PHACTR1: variants seen among roughly 807,000 people sequenced by gnomAD.
PHACTR1 encodes phosphatase and actin regulator 1.
In PHACTR1, 16 loss-of-function variants were observed where a neutral mutation model predicts 69.2. That is an observed-to-expected ratio of 0.23 (90% CI 0.16 to 0.35). The LOEUF is 0.35. PHACTR1 is among the 10% of genes least tolerant of loss of function. PHACTR1 has a pLI of 1.00. For missense variants in PHACTR1, 510 were observed against 734.7 expected (o/e 0.69, Z 3.54); for synonymous variants, 312 against 284.5 (o/e 1.10, Z -0.97).
rs1249966553 is a variant in PHACTR1, at chr6:12,792,355, T to A, written c.250+42565T>A. Among the ~76,000 whole-genome samples the A allele has an allele frequency of 2.7e-5, 4 of 147,898 alleles. No homozygotes were observed. In the East Asian group the frequency reaches 8.4e-4, roughly 31 times the overall value. ...GGTACATGCCTGTAATCCCAGCTACTTGGGAGGCTGAGACAGGAGAATCAC... is the reference window on the plus strand; with the variant it reads ...GGTACATGCCTGTAATCCCAGCTACATGGGAGGCTGAGACAGGAGAATCAC... On this transcript the variant is annotated intron_variant, in intron 4 of 14. Coordinates refer to ENST00000332995, the MANE Select transcript of PHACTR1 (RefSeq NM_030948.6).
chr6:13,234,032 C>T lies in PHACTR1; in HGVS notation c.1391+3839C>T, dbSNP rs111596982. Among the ~76,000 whole-genome samples, 836 of 152,314 alleles carry T rather than the reference C, an allele frequency of 5.5e-3. 8 individuals are homozygous for T. Among genetic ancestry groups the T allele is most frequent in the African/African-American group, 0.017 (724 of 41,568 alleles). On this transcript the variant is annotated intron_variant, in intron 10 of 14. Transcript: ENST00000332995. ...ATCAGGCAGATAGGCCATATCTATA[C>T]CTCAAGGTCATTTTTGAGGTAGCAC...
At chr6:13,255,810 T>C (rs1239986260) in intron 10 of PHACTR1, among the ~76,000 whole-genome samples, 3 of 152,214 alleles carry the variant, frequency 2.0e-5, no homozygotes, top group African/African-American at 7.2e-5. Context: ...GGGTTTAGCC[T>C]CCACAGCTGC....
In PHACTR1 at chr6:13,283,908, T is replaced by A; in HGVS notation, c.1650+346T>A. Reference sequence around the variant, plus strand: ...CACAGCCCTTCCGTATAGGGGATGGTGCTGCCGGCATCCAACGAGGGATTC... The same window carrying A: ...CACAGCCCTTCCGTATAGGGGATGGAGCTGCCGGCATCCAACGAGGGATTC... On this transcript the variant is annotated intron_variant, in intron 13 of 14. Coordinates refer to ENST00000332995, the MANE Select transcript of PHACTR1 (RefSeq NM_030948.6). The surrounding 1 kb of genome is among the most constrained non-coding windows in gnomAD (Gnocchi z 4.7). 3.7e-6 allele frequency: 1 copy of A among 270,712 alleles called. No individual in the cohort carries two copies. The highest frequency in any genetic ancestry group is 7.2e-6 in the Non-Finnish European group (1 of 138,474). The allele number at this position is 270,712 out of a possible 1,614,324, so 16.8% of individuals were successfully genotyped here.
intron 4 of PHACTR1, among the ~76,000 whole-genome samples, chr6:12,839,794 C>T (rs1456895503): frequency 6.6e-6 from 1 of 152,190 alleles, no homozygotes; most frequent in Non-Finnish European, 1.5e-5. Context: ...TGCTGAGTAA[C>T]ATTTCACACC....
intron 4 of PHACTR1, among the ~76,000 whole-genome samples, chr6:12,893,054 G>A (rs562546036): frequency 1.3e-5 from 2 of 152,304 alleles, no homozygotes; most frequent in South Asian, 2.1e-4. Context: ...GGCAACACTC[G>A]AAAGTAAAGT....
intron 10 of PHACTR1, among the ~76,000 whole-genome samples, chr6:13,255,581 T>A (rs1441917009): frequency 2.0e-5 from 3 of 152,188 alleles, no homozygotes; most frequent in Non-Finnish European, 4.4e-5. Flanking sequence ...CCAAGATACA[T>A]GGGGGTATAG....
chr6:12,883,724 G>T (rs183826281), intron 4 of PHACTR1, among the ~76,000 whole-genome samples: 114 of 152,174 alleles, frequency 7.5e-4, no homozygotes, highest in Admixed American at 1.4e-3. Context: ...GATAAGATCT[G>T]GCTCTGGGAC....
chr6:13,177,366 T>G (rs560196648), intron 6 of PHACTR1, among the ~76,000 whole-genome samples: 11 of 123,326 alleles, frequency 8.9e-5, no homozygotes, highest in Admixed American at 5.5e-4. Flanking sequence ...TCTCTTGCGC[T>G]CTCTCTCTCT....
chr6:13,056,556 T>C (rs1806811691), intron 5 of PHACTR1, among the ~76,000 whole-genome samples: 1 of 151,898 alleles, frequency 6.6e-6, no homozygotes, highest in African/African-American at 2.4e-5. Context: ...AAAGGAAAAG[T>C]TATTCATTGA....
At chr6:13,196,836 G>A (rs1052215149) in intron 7 of PHACTR1, among the ~76,000 whole-genome samples, 7 of 152,152 alleles carry the variant, frequency 4.6e-5, no homozygotes, top group African/African-American at 7.2e-5. Flanking sequence ...ATGGAGAACC[G>A]CCATGGAAGT....
At chr6:13,182,739 G>A in intron 7 of PHACTR1, 53 bp downstream of exon 7, 50 of 1,463,222 alleles carry the variant, frequency 3.4e-5, no homozygotes, top group Non-Finnish European at 4.5e-5. Flanking sequence ...GTCCAGCCAG[G>A]CACCAGGGAT....
chr6:13,227,726 C>T lies in PHACTR1; in HGVS notation c.987-90C>T, dbSNP rs902742771. On this transcript the variant is annotated intron_variant, in intron 8 of 14. Transcript: ENST00000332995. The stretch of plus-strand genomic sequence containing the variant: ...CCAGTAGACCCTTTGTCTCTTAGGA[C>T]TGGGCAACTGAGTTTTAAAATGGTT... The T allele has an allele frequency of 4.7e-6, 7 of 1,497,312 alleles. No individual in the cohort carries two copies. In the African/African-American group the frequency reaches 9.8e-5, roughly 21 times the overall value. The allele number at this position is 1,497,312 out of a possible 1,614,324, so 92.8% of individuals were successfully genotyped here.
intron 4 of PHACTR1, among the ~76,000 whole-genome samples, chr6:12,949,828 C>A (rs1274858044): frequency 6.6e-6 from 1 of 152,106 alleles, no homozygotes; most frequent in African/African-American, 2.4e-5. Context: ...CCACTACACA[C>A]ACACAATTAC....
Position 12,749,743 on chromosome 6 carries a change from A to C in PHACTR1, c.203A>C (p.Asp68Ala). Residue 68 changes from aspartate (D) to alanine (A), a missense_variant, in exon 4 of 15, where the codon GAC becomes GCC. Coordinates refer to ENST00000332995, the MANE Select transcript of PHACTR1 (RefSeq NM_030948.6). ...RPIRRVRSKS[D>A]TPYLAEARIS... ...ATCCGGAGAGTGCGCTCCAAGAGCG[A>C]CACGCCGTACCTCGCAGAGGCCAGG... is the stretch of plus-strand genomic sequence containing the variant. The C allele has an allele frequency of 6.2e-7, 1 of 1,611,506 alleles. No homozygotes were observed. Among genetic ancestry groups the C allele is most frequent in the South Asian group, 1.1e-5 (1 of 91,044 alleles).
At chr6:13,243,047 C>A (rs1773074209) in intron 10 of PHACTR1, among the ~76,000 whole-genome samples, 1 of 152,124 alleles carries the variant, frequency 6.6e-6, no homozygotes, top group Non-Finnish European at 1.5e-5. Context: ...GTAGCAAATT[C>A]TTTTATGGGT....
At chr6:12,922,123 C>T (rs1787785090) in intron 4 of PHACTR1, among the ~76,000 whole-genome samples, 1 of 152,148 alleles carries the variant, frequency 6.6e-6, no homozygotes, top group African/African-American at 2.4e-5. Flanking sequence ...ATGTCATTTG[C>T]AGAACATTGA....
At chr6:12,745,497 T>C (rs1244023515) in intron 3 of PHACTR1, among the ~76,000 whole-genome samples, 2 of 152,296 alleles carry the variant, frequency 1.3e-5, no homozygotes, top group African/African-American at 4.8e-5. Context: ...TACAGATGCC[T>C]ACATCCACAT....
chr6:13,156,048 C>T (rs190580594), intron 5 of PHACTR1, among the ~76,000 whole-genome samples: 1 of 152,292 alleles, frequency 6.6e-6, no homozygotes, highest in East Asian at 1.9e-4. Context: ...TATAATCATT[C>T]TCACAATGAT....
chr6:12,944,949 A>AT (rs1790509806), intron 4 of PHACTR1, among the ~76,000 whole-genome samples: 1 of 150,940 alleles, frequency 6.6e-6, no homozygotes, highest in South Asian at 2.1e-4. Context: ...CGCCTGGCTA[A>AT]TTTTTTGTAT....
Sources: allele counts gnomAD v4.1 joint callset (sites outside exome capture counted in the v4.1 genomes callset), GRCh38; gene constraint gnomAD v4.1.1; non-coding constraint Gnocchi (gnomAD v3.1); transcripts MANE v1.5; gene names NCBI Gene and HGNC (gene_info 2026-07-23, HGNC 2026-07-21).